Variants in UHRF2 observed in about 807,000 individuals in gnomAD.
UHRF2 encodes E3 ubiquitin-protein ligase UHRF2.
In UHRF2, 23 loss-of-function variants were observed where a neutral mutation model predicts 96.8. The ratio of observed to expected loss-of-function variants is 0.24; its 90% confidence interval spans 0.17 to 0.34. The LOEUF is 0.34. Ranked by LOEUF, UHRF2 falls within the 10% of genes least tolerant of loss-of-function variation. The probability of loss-of-function intolerance (pLI) is 1.00; values close to 1 mark genes in which losing one functional copy is unlikely to be tolerated. For missense variants in UHRF2, 685 were observed against 981.5 expected, an observed-to-expected ratio of 0.70 and a Z score of 4.04; for synonymous variants, 385 against 332.6, an observed-to-expected ratio of 1.16 and a Z score of -1.72.
At chr9:6,461,298 A>G (rs898312527) in intron 4 of UHRF2, among the ~76,000 whole-genome samples, 5 of 150,676 alleles carry the variant, frequency 3.3e-5, no homozygotes, top group Admixed American at 2.0e-4. Context: ...TATTTCTATC[A>G]TTTCTTTCTT....
intron 1 of UHRF2, among the ~76,000 whole-genome samples, chr9:6,417,276 C>CA (rs774110409): frequency 3.9e-5 from 6 of 152,238 alleles, no homozygotes; most frequent in Non-Finnish European, 7.4e-5. Context: ...AGTGGTCTGA[C>CA]AAAAAATCCT....
chr9:6,429,126 C>G (rs1235115597), intron 2 of UHRF2, among the ~76,000 whole-genome samples: 1 of 151,622 alleles, frequency 6.6e-6, no homozygotes, highest in Non-Finnish European at 1.5e-5. Context: ...CATCGCACCA[C>G]TGCACTCCAG....
chr9:6,479,210 C>T (rs945882270), intron 6 of UHRF2, among the ~76,000 whole-genome samples: 5 of 152,154 alleles, frequency 3.3e-5, no homozygotes, highest in African/African-American at 1.2e-4. Context: ...GTTTCCATTT[C>T]CTCTCCTATT....
At chr9:6,467,190 C>G (rs774192203) in intron 4 of UHRF2, among the ~76,000 whole-genome samples, 9 of 152,108 alleles carry the variant, frequency 5.9e-5, no homozygotes, top group Non-Finnish European at 1.3e-4. Flanking sequence ...ATTTTCTTGC[C>G]TTTACCATGT....
chr9:6,506,077 T>C lies in UHRF2; in HGVS notation c.2307T>C (p.Pro769=), dbSNP rs747896957. The change falls in exon 16 of 16, where the codon CCT becomes CCC. Residue 769 remains proline (P), a synonymous_variant. Coordinates refer to ENST00000276893, the MANE Select transcript of UHRF2 (RefSeq NM_152896.3). ...TTAAGGCACAGGTTTTCTCCTGCCC[T>C]GCTTGCCGGCATGATCTTGGCCAGA... ...RSFKAQVFSC[P]ACRHDLGQNY... is the part of the protein sequence containing the mutation. The C allele has an allele frequency of 9.9e-6, 16 of 1,614,206 alleles. No homozygotes were observed. In the South Asian group the frequency reaches 1.8e-4, roughly 18 times the overall value.
chr9:6,477,600 G>A lies in UHRF2; in HGVS notation c.974-22G>A, dbSNP rs772040923. On this transcript the variant is annotated intron_variant, in intron 5 of 15. Coordinates refer to ENST00000276893, the MANE Select transcript of UHRF2 (RefSeq NM_152896.3). The stretch of plus-strand genomic sequence containing the variant: ...TAAAAAATGTTTTAAGACTAGACTT[G>A]CTATAATTTTGTTCTTAATAGGGCG... 1.5e-5 allele frequency: 24 copies of A among 1,572,428 alleles called. No homozygotes were observed. In the South Asian group the frequency reaches 2.8e-4, roughly 18 times the overall value.
At chr9:6,487,645 G>C (rs1824387438) in intron 9 of UHRF2, among the ~76,000 whole-genome samples, 1 of 152,202 alleles carries the variant, frequency 6.6e-6, no homozygotes, top group African/African-American at 2.4e-5. Context: ...GGGATTACAG[G>C]CGTGAGCCAC....
intron 4 of UHRF2, among the ~76,000 whole-genome samples, chr9:6,473,359 C>T (rs1823366297): frequency 6.6e-6 from 1 of 152,154 alleles, no homozygotes; most frequent in African/African-American, 2.4e-5. Flanking sequence ...GCTAAGTCAG[C>T]ATTTTATCTT....
intron 1 of UHRF2, among the ~76,000 whole-genome samples, chr9:6,417,403 A>G (rs539262762): frequency 6.6e-6 from 1 of 152,278 alleles, no homozygotes; most frequent in African/African-American, 2.4e-5. Flanking sequence ...TCTGACTCAC[A>G]GATGTTTGTG....
rs188796791 is a variant in UHRF2, at chr9:6,504,998, C to T, written c.2262+307C>T. Among the ~76,000 whole-genome samples the T allele has an allele frequency of 2.6e-3, 400 of 152,136 alleles. 2 individuals carry two copies. Among genetic ancestry groups the T allele is most frequent in the African/African-American group, 8.5e-3 (353 of 41,514 alleles). ...AGCTTATATGTTTTATATATTATAG[C>T]GCAAACTGGAGTGTTTTCATTAATA... On this transcript the variant is annotated intron_variant, in intron 15 of 15. Transcript: ENST00000276893.
In UHRF2 at chr9:6,437,263, C is replaced by T. The variant is rs546654063; in HGVS notation, c.644+3090C>T. Among the ~76,000 whole-genome samples, 6 of 152,300 alleles carry T rather than the reference C, an allele frequency of 3.9e-5. No individual in the cohort carries two copies. The South Asian group carries it at 6.2e-4, about 16-fold the overall frequency. On this transcript the variant is annotated intron_variant, in intron 3 of 15. Transcript: ENST00000276893. Reference sequence around the variant, plus strand: ...TATTATTATTTTTTAGACAGAGTCTCGTTCTGTTGCTCAGTCTGGAGTGCA... The same window carrying T: ...TATTATTATTTTTTAGACAGAGTCTTGTTCTGTTGCTCAGTCTGGAGTGCA...
At chr9:6,455,304 A>G (rs1441595572) in intron 3 of UHRF2, among the ~76,000 whole-genome samples, 5 of 151,890 alleles carry the variant, frequency 3.3e-5, no homozygotes, top group African/African-American at 9.7e-5. Flanking sequence ...CCACCCCACA[A>G]CAGGCCCGGG....
At chr9:6,422,297 G>T (rs548786061) in intron 2 of UHRF2, among the ~76,000 whole-genome samples, 12 of 152,038 alleles carry the variant, frequency 7.9e-5, no homozygotes, top group African/African-American at 2.4e-4. Context: ...GGTCAGGCTG[G>T]TCTCGAACTC....
intron 3 of UHRF2, among the ~76,000 whole-genome samples, chr9:6,447,214 A>T (rs1411120388): frequency 2.6e-5 from 4 of 152,124 alleles, no homozygotes; most frequent in Non-Finnish European, 5.9e-5. Context: ...TAACCTAATT[A>T]TGTTGTTTCT....
chr9:6,418,930 A>T (rs1819765820), intron 1 of UHRF2, among the ~76,000 whole-genome samples: 1 of 152,152 alleles, frequency 6.6e-6, no homozygotes, highest in South Asian at 2.1e-4. Flanking sequence ...CTTTGCCGGA[A>T]ATTTTCTTTC....
At chr9:6,494,689 A>G (rs1025342633) in intron 10 of UHRF2, 4 of 152,212 alleles carry the variant, frequency 2.6e-5, no homozygotes, top group African/African-American at 9.6e-5. Flanking sequence ...CATTTCATAA[A>G]GTTAACAGTT....
At chr9:6,459,929 T>G (rs1822425137) in intron 3 of UHRF2, among the ~76,000 whole-genome samples, 1 of 152,222 alleles carries the variant, frequency 6.6e-6, no homozygotes, top group Admixed American at 6.5e-5. Context: ...GCTATTATCG[T>G]GTCACTGTAC....
intron 4 of UHRF2, among the ~76,000 whole-genome samples, chr9:6,464,210 G>A (rs1010498699): frequency 6.6e-6 from 1 of 152,108 alleles, no homozygotes; most frequent in Non-Finnish European, 1.5e-5. Context: ...GAATCTTTTC[G>A]TATTTTTATT....
In UHRF2 at chr9:6,500,620, C is replaced by G. The variant is rs1247935963; in HGVS notation, c.2074C>G (p.Leu692Val). 1 of 1,613,772 alleles carries G rather than the reference C, an allele frequency of 6.2e-7. No homozygotes were observed. Among genetic ancestry groups the G allele is most frequent in the Non-Finnish European group, 8.5e-7 (1 of 1,179,948 alleles). Residue 692 changes from leucine (L) to valine (V), a missense_variant, in exon 14 of 16, where the codon CTA becomes GTA. Leu to Val is a conservative substitution (Grantham distance 32, BLOSUM62 1). This residue lies in a region of UHRF2 where 99 missense variants were observed against 73.5 expected (regional missense o/e 1.35). Coordinates refer to ENST00000276893, the MANE Select transcript of UHRF2 (RefSeq NM_152896.3). ...DSAEAIEAFQ[L>V]TPQQQHLIRE... ...AGCAGAAGCAATTGAGGCTTTTCAA[C>G]TAACTCCTCAACAGCAACATCTCAT...
Sources: allele counts gnomAD v4.1 joint callset (sites outside exome capture counted in the v4.1 genomes callset), GRCh38; gene constraint gnomAD v4.1.1; regional missense constraint gnomAD v4.1.1; transcripts MANE v1.5; gene names NCBI Gene and HGNC (gene_info 2026-07-23, HGNC 2026-07-21).